TMEM132B: variants seen among roughly 807,000 people sequenced by gnomAD.
TMEM132B encodes transmembrane protein 132B.
A neutral mutation model predicts 90.8 loss-of-function variants in TMEM132B; 18 were observed. The observed-to-expected ratio is 0.20, with a 90% confidence interval of 0.14 to 0.29. The LOEUF (loss-of-function observed/expected upper bound fraction) is 0.29. Ranked by LOEUF, TMEM132B falls within the 10% of genes least tolerant of loss-of-function variation. TMEM132B has a pLI of 1.00. For synonymous variants in TMEM132B, 504 were observed against 523.3 expected, an observed-to-expected ratio of 0.96 and a Z score of 0.50; for missense variants, 1,096 against 1,326.8, an observed-to-expected ratio of 0.83 and a Z score of 2.70.
At chr12:125,412,229 G>C (rs934330039) in intron 2 of TMEM132B, among the ~76,000 whole-genome samples, 2 of 152,182 alleles carry the variant, frequency 1.3e-5, no homozygotes, top group Non-Finnish European at 2.9e-5. Context: ...CTGAGGACGA[G>C]GGGACCTGTG....
intron 5 of TMEM132B, among the ~76,000 whole-genome samples, chr12:125,628,168 C>G (rs1886277998): frequency 6.6e-6 from 1 of 152,088 alleles, no homozygotes; most frequent in African/African-American, 2.4e-5. Flanking sequence ...ATATATCTAG[C>G]AGTGGGATTG....
intron 2 of TMEM132B, among the ~76,000 whole-genome samples, chr12:125,397,381 C>A (rs1185620430): frequency 6.6e-6 from 1 of 152,192 alleles, no homozygotes; most frequent in Admixed American, 6.5e-5. Flanking sequence ...GAATGCCTCC[C>A]AGACATATTT....
intron 1 of TMEM132B, among the ~76,000 whole-genome samples, chr12:125,303,155 C>T (rs1875874644): frequency 6.6e-6 from 1 of 152,034 alleles, no homozygotes; most frequent in African/African-American, 2.4e-5. Context: ...CATTTCTCCC[C>T]TCCTGCCAGC....
chr12:125,566,924 A>G (rs1415614279), intron 4 of TMEM132B, among the ~76,000 whole-genome samples: 1 of 136,362 alleles, frequency 7.3e-6, no homozygotes, highest in Non-Finnish European at 1.5e-5. Context: ...GCTCACTGCA[A>G]CCTCCACCTT....
At chr12:125,612,893 T>C (rs1593022046) in intron 5 of TMEM132B, among the ~76,000 whole-genome samples, 1 of 113,320 alleles carries the variant, frequency 8.8e-6, no homozygotes, top group Admixed American at 1.1e-4. Flanking sequence ...ATTTATATAT[T>C]GTATAAAAAT....
At chr12:125,419,303 C>A (rs1411103410) in intron 3 of TMEM132B, among the ~76,000 whole-genome samples, 1 of 152,138 alleles carries the variant, frequency 6.6e-6, no homozygotes, top group Non-Finnish European at 1.5e-5. Flanking sequence ...TAAGACATAC[C>A]CAAGACCGGA....
chr12:125,479,297 A>G (rs907256068), intron 3 of TMEM132B, among the ~76,000 whole-genome samples: 3 of 152,234 alleles, frequency 2.0e-5, no homozygotes, highest in African/African-American at 4.8e-5. Flanking sequence ...AAATGCCCCA[A>G]TTAAAAGACA....
At chr12:125,508,984 A>G (rs1177880540) in intron 3 of TMEM132B, among the ~76,000 whole-genome samples, 1 of 151,840 alleles carries the variant, frequency 6.6e-6, no homozygotes, top group Non-Finnish European at 1.5e-5. Context: ...GGGTTTCACC[A>G]TGTTGCCCAG....
chr12:125,249,342 C>T lies in TMEM132B; in HGVS notation c.67+62476C>T, dbSNP rs139485217. Among the ~76,000 whole-genome samples the T allele has an allele frequency of 3.8e-4, 58 of 152,224 alleles. 1 individual carries two copies. The highest frequency in any genetic ancestry group is 1.2e-3 in the African/African-American group (49 of 41,526). On this transcript the variant is annotated intron_variant, in intron 1 of 8. Coordinates refer to ENST00000682704, the MANE Select transcript of TMEM132B (RefSeq NM_001366854.1). ...GGTTCCCAGACGCTGCAGGTGCTGC[C>T]GGGTCGAGAACCACGCTCTGAGAAC...
At chr12:125,626,646 C>T (rs1886241536) in intron 5 of TMEM132B, among the ~76,000 whole-genome samples, 1 of 152,074 alleles carries the variant, frequency 6.6e-6, no homozygotes, top group Non-Finnish European at 1.5e-5. Context: ...GCCTGATTTC[C>T]AACAAGAAGT....
intron 2 of TMEM132B, among the ~76,000 whole-genome samples, chr12:125,399,933 G>A (rs183958494): frequency 2.0e-5 from 3 of 152,314 alleles, no homozygotes; most frequent in Admixed American, 2.0e-4. Context: ...TTCACAGGCT[G>A]GATGGAGCTT....
intron 5 of TMEM132B, among the ~76,000 whole-genome samples, chr12:125,619,857 A>G (rs931259693): frequency 1.1e-4 from 17 of 152,328 alleles, no homozygotes; most frequent in African/African-American, 4.1e-4. Context: ...ATTTTGTGAA[A>G]GGAAAGGGAG....
intron 2 of TMEM132B, among the ~76,000 whole-genome samples, chr12:125,373,856 G>A (rs992865130): frequency 6.6e-6 from 1 of 152,186 alleles, no homozygotes; most frequent in East Asian, 1.9e-4. Flanking sequence ...GTTCAGTGGG[G>A]TGATCTTGGC....
intron 5 of TMEM132B, among the ~76,000 whole-genome samples, chr12:125,621,608 C>A (rs951507452): frequency 5.9e-5 from 9 of 152,138 alleles, no homozygotes; most frequent in Non-Finnish European, 1.0e-4. Flanking sequence ...TCAATCCCAG[C>A]ACTCCTTCAT....
At chr12:125,584,669 C>G (rs1420191626) in intron 5 of TMEM132B, 1 of 152,280 alleles carries the variant, frequency 6.6e-6, no homozygotes, top group East Asian at 1.9e-4. Flanking sequence ...AGATTCTTCA[C>G]TCAAATTAGC....
intron 4 of TMEM132B, among the ~76,000 whole-genome samples, chr12:125,542,448 GTT>G (rs764751666): frequency 5.3e-5 from 8 of 152,156 alleles, no homozygotes; most frequent in African/African-American, 9.7e-5. Context: ...CTCCAGGACT[GTT>G]TTCATCTTAC....
chr12:125,409,244 A>G (rs1040407051), intron 2 of TMEM132B, among the ~76,000 whole-genome samples: 1 of 152,186 alleles, frequency 6.6e-6, no homozygotes, highest in African/African-American at 2.4e-5. Flanking sequence ...AGAGGGACTG[A>G]GATAGGCATC....
At chr12:125,502,960 T>C (rs1477077941) in intron 3 of TMEM132B, among the ~76,000 whole-genome samples, 1 of 152,168 alleles carries the variant, frequency 6.6e-6, no homozygotes, top group Non-Finnish European at 1.5e-5. Context: ...TGTCCTCACT[T>C]TAAACATTCG....
chr12:125,290,273 T>G (rs191047884), intron 1 of TMEM132B, among the ~76,000 whole-genome samples: 1 of 152,284 alleles, frequency 6.6e-6, no homozygotes, highest in East Asian at 1.9e-4. Flanking sequence ...TCTTATTGAT[T>G]TATGAAACCT....
Sources: gnomAD v4.1 joint callset for allele counts (sites outside exome capture counted in the v4.1 genomes callset) on GRCh38, gnomAD v4.1.1 for gene constraint, MANE v1.5 for transcripts, NCBI Gene and HGNC (gene_info 2026-07-23, HGNC 2026-07-21) for gene names.